MDGA2: variants seen among roughly 807,000 people sequenced by gnomAD.
MDGA2 encodes MAM domain-containing glycosylphosphatidylinositol anchor protein 2.
Under a neutral mutation model 117.8 loss-of-function variants are expected in MDGA2, and 40 were observed. The ratio of observed to expected loss-of-function variants is 0.34; its 90% CI spans 0.26 to 0.44. The LOEUF is 0.44. Ranked by LOEUF, MDGA2 falls within the 20% of genes least tolerant of loss-of-function variation. The pLI, the probability that MDGA2 is intolerant of heterozygous loss-of-function variation, is 1.00. For missense variants in MDGA2, 1,123 were observed against 1,250.6 expected, an observed-to-expected ratio of 0.90 and a Z score of 1.54; for synonymous variants, 452 against 439.0, an observed-to-expected ratio of 1.03 and a Z score of -0.37.
chr14:47,092,521 C>T (rs923689228), intron 6 of MDGA2, among the ~76,000 whole-genome samples: 5 of 152,112 alleles, frequency 3.3e-5, no homozygotes, highest in Non-Finnish European at 5.9e-5. Context: ...TTAGAGAAAA[C>T]TGTGAGATGC....
chr14:46,982,738 C>CAAAAAAAAAA (rs1566558888), intron 8 of MDGA2, among the ~76,000 whole-genome samples: 3 of 120,272 alleles, frequency 2.5e-5, no homozygotes, highest in African/African-American at 6.2e-5. Flanking sequence ...AAAAAAAAAT[C>CAAAAAAAAAA]ATGTCATCTG....
At chr14:47,393,096 T>A (rs1594834109) in intron 1 of MDGA2, among the ~76,000 whole-genome samples, 1 of 23,400 alleles carries the variant, frequency 4.3e-5, no homozygotes, top group Non-Finnish European at 1.1e-4. Flanking sequence ...ATAATTAAAA[T>A]AATAATAATA....
chr14:47,586,161 A>G (rs1896321200), intron 1 of MDGA2, among the ~76,000 whole-genome samples: 1 of 151,936 alleles, frequency 6.6e-6, no homozygotes, highest in Non-Finnish European at 1.5e-5. Flanking sequence ...TGTTTCAATG[A>G]TTCATTTTAA....
At chr14:47,317,289 C>T (rs1468293316) in intron 1 of MDGA2, among the ~76,000 whole-genome samples, 1 of 152,066 alleles carries the variant, frequency 6.6e-6, no homozygotes, top group Non-Finnish European at 1.5e-5. Context: ...GTGCAAAGAT[C>T]ACATAATTCA....
chr14:47,279,635 C>T (rs984576567), intron 2 of MDGA2, among the ~76,000 whole-genome samples: 5 of 151,966 alleles, frequency 3.3e-5, no homozygotes, highest in Admixed American at 1.3e-4. Flanking sequence ...CTTAAAAAGG[C>T]TTCCCTATCC....
intron 1 of MDGA2, among the ~76,000 whole-genome samples, chr14:47,371,738 C>A (rs1204850953): frequency 6.6e-6 from 1 of 151,440 alleles, no homozygotes; most frequent in East Asian, 1.9e-4. Flanking sequence ...TAAGAAACAC[C>A]AAGATAGTTT....
chr14:47,648,582 G>C (rs529351983), intron 1 of MDGA2, among the ~76,000 whole-genome samples: 1 of 152,008 alleles, frequency 6.6e-6, no homozygotes. Context: ...TGAAAGATAA[G>C]CACAAGCAAA....
At chr14:47,113,107 T>C (rs1282246260) in intron 5 of MDGA2, among the ~76,000 whole-genome samples, 1 of 152,090 alleles carries the variant, frequency 6.6e-6, no homozygotes, top group Non-Finnish European at 1.5e-5. Flanking sequence ...TCTTATAAAT[T>C]TGCTTAAGTT....
rs145105359 is a variant in MDGA2, at chr14:46,968,396, A to T, written c.1820-10753T>A. 3.9e-3 allele frequency among the ~76,000 whole-genome samples: 595 copies of T among 152,290 alleles called. 8 individuals are homozygous for T. Among genetic ancestry groups the T allele is most frequent in the African/African-American group, 0.014 (582 of 41,562 alleles). ...ACATAGAATTCAGCAGCACATCAAC[A>T]TAGTACTGGATGTCCGAGGCAGAGC... On this transcript the variant is annotated intron_variant, in intron 8 of 16. Coordinates refer to ENST00000399232, the MANE Select transcript of MDGA2 (RefSeq NM_001113498.3).
At chr14:47,176,265 A>G (rs1278122596) in intron 3 of MDGA2, among the ~76,000 whole-genome samples, 2 of 152,186 alleles carry the variant, frequency 1.3e-5, no homozygotes, top group Non-Finnish European at 2.9e-5. Flanking sequence ...CCATCAAGCT[A>G]CCAATGCCTT....
chr14:47,640,122 C>T (rs959240953), intron 1 of MDGA2, among the ~76,000 whole-genome samples: 4 of 152,176 alleles, frequency 2.6e-5, no homozygotes, highest in African/African-American at 9.7e-5. Context: ...ATTTAATGCA[C>T]AACATGGTCA....
intron 1 of MDGA2, among the ~76,000 whole-genome samples, chr14:47,623,925 CCCAAA>C (rs1223651149): frequency 6.6e-6 from 1 of 152,088 alleles, no homozygotes; most frequent in Non-Finnish European, 1.5e-5. Context: ...TTGTTTAATT[CCCAAA>C]CCAAAGAACA....
intron 1 of MDGA2, among the ~76,000 whole-genome samples, chr14:47,418,047 G>A (rs1892508760): frequency 6.6e-6 from 1 of 151,898 alleles, no homozygotes; most frequent in South Asian, 2.1e-4. Flanking sequence ...TGTTTGGGCT[G>A]CTATAAAAAT....
At chr14:47,443,249 T>C (rs1893050302) in intron 1 of MDGA2, among the ~76,000 whole-genome samples, 1 of 152,122 alleles carries the variant, frequency 6.6e-6, no homozygotes, top group African/African-American at 2.4e-5. Context: ...CAAAGTTATG[T>C]CCAGAGTGCA....
At chr14:47,184,962 TGAAA>T (rs955144423) in intron 3 of MDGA2, among the ~76,000 whole-genome samples, 4 of 150,732 alleles carry the variant, frequency 2.7e-5, no homozygotes, top group Admixed American at 2.0e-4. Context: ...ATAAATGGAA[TGAAA>T]GAAAGAAAAT....
intron 8 of MDGA2, among the ~76,000 whole-genome samples, chr14:46,985,063 C>A (rs1886813853): frequency 6.6e-6 from 1 of 151,990 alleles, no homozygotes; most frequent in Non-Finnish European, 1.5e-5. Flanking sequence ...AGTAGAGCTA[C>A]AGACATGGAA....
intron 1 of MDGA2, among the ~76,000 whole-genome samples, chr14:47,668,059 T>A (rs1316380249): frequency 6.6e-6 from 1 of 152,220 alleles, no homozygotes; most frequent in African/African-American, 2.4e-5. Context: ...TTTATAATAG[T>A]TGAAATCCTC....
intron 9 of MDGA2, among the ~76,000 whole-genome samples, chr14:46,957,108 T>C (rs761372204): frequency 1.3e-5 from 2 of 152,134 alleles, no homozygotes; most frequent in Admixed American, 6.6e-5. Flanking sequence ...ACTGTGAGAA[T>C]TGACTAATAT....
rs1314109622 is a variant in MDGA2 at position 46,840,182 on chromosome 14, T to C, written c.*1749A>G. 2 of 152,520 alleles carry C rather than the reference T, an allele frequency of 1.3e-5. No individual in the cohort carries two copies. The highest frequency in any genetic ancestry group is 4.8e-5 in the African/African-American group (2 of 41,450). 9.4% of individuals were successfully genotyped at this position (152,520 alleles called of 1,614,324 possible). A position where few individuals can be genotyped will look rare whatever the true frequency, so the allele number is the denominator to read the frequency against. On this transcript the variant is annotated 3_prime_UTR_variant, in exon 17 of 17. Coordinates refer to ENST00000399232, the MANE Select transcript of MDGA2 (RefSeq NM_001113498.3). ...AATTTGCACAAACATTTCTACAGAA[T>C]TGTTTTAAAAAACAAGCTTTGTCAT...
Sources: allele counts gnomAD v4.1 joint callset (sites outside exome capture counted in the v4.1 genomes callset), GRCh38; gene constraint gnomAD v4.1.1; transcripts MANE v1.5; gene names NCBI Gene and HGNC (gene_info 2026-07-23, HGNC 2026-07-21).